Variants in CTNNA2 observed in about 807,000 individuals in gnomAD.
CTNNA2 encodes catenin alpha-2.
A neutral mutation model predicts 101.0 loss-of-function variants in CTNNA2; 42 were observed. That is an observed-to-expected ratio of 0.42 (90% confidence interval 0.32 to 0.54). The LOEUF (loss-of-function observed/expected upper bound fraction) is 0.54, where lower values mean the gene tolerates loss of function less well. Among genes scored for constraint, CTNNA2 ranks in the 20% least tolerant of loss-of-function variants. The pLI is 0.14. For missense variants in CTNNA2, 871 were observed against 1,223.1 expected, an observed-to-expected ratio of 0.71 and a Z score of 4.29; for synonymous variants, 450 against 456.4, an observed-to-expected ratio of 0.99 and a Z score of 0.18.
In CTNNA2 at chr2:80,555,746, G is replaced by A. The variant is rs765394694; in HGVS notation, c.1594G>A (p.Asp532Asn). Residue 532 changes from aspartate (D) to asparagine (N), a missense_variant, in exon 12 of 19, where the codon GAT (aspartate) becomes AAT (asparagine). Asp to Asn is a conservative substitution (Grantham distance 23, BLOSUM62 1). Around this residue, in one of 5 missense-constraint regions of CTNNA2, gnomAD observed 647 missense variants for 831.5 expected, o/e 0.78. Coordinates refer to ENST00000402739, the MANE Select transcript of CTNNA2 (RefSeq NM_001282597.3). ...GTGTGTGATAGCCCTCCAAGAGGGC[G>A]ATGTGGACACTCTGGACCGGACTGC... The part of the protein sequence containing the change: ...NKCVIALQEG[D>N]VDTLDRTAGA... The A allele has an allele frequency of 5.7e-6, 9 of 1,583,400 alleles. No homozygotes were observed. The African/African-American group carries it at 6.8e-5, about 12-fold the overall frequency.
chr2:80,312,433 C>A (rs905828306), intron 7 of CTNNA2, among the ~76,000 whole-genome samples: 4 of 152,190 alleles, frequency 2.6e-5, no homozygotes, highest in African/African-American at 9.7e-5. Context: ...CCAAGGGTGA[C>A]TCAGGTCAAA....
intron 3 of CTNNA2, among the ~76,000 whole-genome samples, chr2:79,791,371 T>C (rs1157283443): frequency 6.6e-6 from 1 of 152,168 alleles, no homozygotes; most frequent in Non-Finnish European, 1.5e-5. Context: ...ACCTCTCCTT[T>C]CATCCTTCCA....
intron 4 of CTNNA2, among the ~76,000 whole-genome samples, chr2:79,485,632 C>T (rs1174086794): frequency 1.3e-5 from 2 of 152,198 alleles, no homozygotes; most frequent in Non-Finnish European, 2.9e-5. Flanking sequence ...AGAGCCACAA[C>T]TCTGACTGCC....
chr2:80,150,532 G>T (rs1703633202), intron 7 of CTNNA2, among the ~76,000 whole-genome samples: 2 of 152,284 alleles, frequency 1.3e-5, no homozygotes, highest in Admixed American at 6.5e-5. Flanking sequence ...TTCTTTAGGG[G>T]ATGTAAAGCC....
chr2:79,873,575 C>A (rs1682754161), intron 5 of CTNNA2, among the ~76,000 whole-genome samples: 1 of 151,972 alleles, frequency 6.6e-6, no homozygotes, highest in South Asian at 2.1e-4. Flanking sequence ...AAGGGTAGGG[C>A]AGAGGAGGAA....
chr2:79,219,568 A>T (rs1365132960), intron 2 of CTNNA2, among the ~76,000 whole-genome samples: 1 of 152,220 alleles, frequency 6.6e-6, no homozygotes, highest in Non-Finnish European at 1.5e-5. Context: ...TGTACGCAGG[A>T]ATACCGCCAT....
At chr2:79,662,333 G>GC (rs1439779411) in intron 2 of CTNNA2, among the ~76,000 whole-genome samples, 4 of 151,912 alleles carry the variant, frequency 2.6e-5, no homozygotes, top group Non-Finnish European at 4.4e-5. Flanking sequence ...TGAATACTTA[G>GC]CAAATACTGT....
chr2:79,233,908 G>T (rs536013307), intron 2 of CTNNA2, among the ~76,000 whole-genome samples: 2 of 150,774 alleles, frequency 1.3e-5, no homozygotes, highest in Non-Finnish European at 2.9e-5. Context: ...ATTATTCTCC[G>T]TTCCTTTACT....
At chr2:79,771,904 G>A (rs1364804263) in intron 3 of CTNNA2, among the ~76,000 whole-genome samples, 1 of 152,068 alleles carries the variant, frequency 6.6e-6, no homozygotes, top group African/African-American at 2.4e-5. Context: ...TAGTTTTATG[G>A]CTATGATCAC....
intron 8 of CTNNA2, among the ~76,000 whole-genome samples, chr2:80,412,799 T>C (rs998865001): frequency 1.3e-5 from 2 of 152,076 alleles, no homozygotes; most frequent in Non-Finnish European, 2.9e-5. Flanking sequence ...TCATGGTCAA[T>C]AGGTTCGTCA....
Position 79,612,440 on chromosome 2 carries a change from AACATATGAGC to A in CTNNA2, c.-5-39109_-5-39100del, listed in dbSNP as rs1446416848. 2.6e-5 allele frequency among the ~76,000 whole-genome samples: 4 copies of A among 152,268 alleles called. No individual in the cohort carries two copies. In the East Asian group the frequency reaches 7.7e-4, roughly 29 times the overall value. On this transcript the variant is annotated intron_variant, in intron 1 of 18. Coordinates refer to ENST00000402739, the MANE Select transcript of CTNNA2 (RefSeq NM_001282597.3). Reference sequence around the variant, plus strand: ...AGGTAGACTGTTTTCATAACAAACCAACATATGAGCACCTGCTTTATAGAATCCTCCCTCA... The same window carrying A: ...AGGTAGACTGTTTTCATAACAAACCAACCTGCTTTATAGAATCCTCCCTCA...
At chr2:79,311,408 C>CAAAAAAAAAAAAAAAA (rs753633073) in intron 2 of CTNNA2, among the ~76,000 whole-genome samples, 2 of 67,040 alleles carry the variant, frequency 3.0e-5, no homozygotes, top group Non-Finnish European at 6.1e-5. Flanking sequence ...GACTCCGTCT[C>CAAAAAAAAAAAAAAAA]AAAAAAAAAA....
At chr2:79,890,500 AC>A (rs1684226710) in intron 6 of CTNNA2, among the ~76,000 whole-genome samples, 1 of 152,086 alleles carries the variant, frequency 6.6e-6, no homozygotes, top group Non-Finnish European at 1.5e-5. Context: ...CTATGAAAGG[AC>A]CAGGAAAACA....
intron 7 of CTNNA2, among the ~76,000 whole-genome samples, chr2:79,922,526 C>CTT (rs111587969): frequency 2.6e-5 from 4 of 151,106 alleles, no homozygotes; most frequent in Non-Finnish European, 4.4e-5. Flanking sequence ...CAGACATTGC[C>CTT]TTTTTTTTTC....
intron 9 of CTNNA2, among the ~76,000 whole-genome samples, chr2:80,530,811 G>A (rs2149594253): frequency 6.6e-6 from 1 of 152,308 alleles, no homozygotes; most frequent in South Asian, 2.1e-4. Context: ...ACCTGGTCTG[G>A]GAATGGATGG....
intron 7 of CTNNA2, among the ~76,000 whole-genome samples, chr2:80,264,140 T>C (rs1164777121): frequency 6.6e-6 from 1 of 152,158 alleles, no homozygotes; most frequent in Non-Finnish European, 1.5e-5. Flanking sequence ...AGTGAAAGAT[T>C]GCTTGCTTAA....
intron 15 of CTNNA2, among the ~76,000 whole-genome samples, chr2:80,600,540 G>C (rs1167308728): frequency 1.3e-5 from 2 of 151,906 alleles, no homozygotes; most frequent in Non-Finnish European, 2.9e-5. Flanking sequence ...GATTTGAAAA[G>C]ACAACTCAGA....
chr2:80,012,457 G>T (rs907390543), intron 7 of CTNNA2, among the ~76,000 whole-genome samples: 1 of 152,054 alleles, frequency 6.6e-6, no homozygotes, highest in Non-Finnish European at 1.5e-5. Flanking sequence ...GCTGTCCAAA[G>T]GTATCTGCCC....
At chr2:80,178,800 CT>C (rs1558878049) in intron 7 of CTNNA2, among the ~76,000 whole-genome samples, 1 of 152,204 alleles carries the variant, frequency 6.6e-6, no homozygotes, top group Non-Finnish European at 1.5e-5. Context: ...GAAGGAATAT[CT>C]TGATAGGCCC....
Sources: allele counts gnomAD v4.1 joint callset (sites outside exome capture counted in the v4.1 genomes callset), GRCh38; gene constraint gnomAD v4.1.1; regional missense constraint gnomAD v4.1.1; transcripts MANE v1.5; gene names NCBI Gene and HGNC (gene_info 2026-07-23, HGNC 2026-07-21).